The following SIL1 variants were observed in gnomAD, a reference collection of about 807,000 sequenced individuals.
SIL1 encodes the protein SIL1 nucleotide exchange factor, also known as nucleotide exchange factor SIL1.
In SIL1, 40 loss-of-function variants were observed where a neutral mutation model predicts 49.1. The observed-to-expected ratio is 0.81, with a 90% CI of 0.63 to 1.06. The LOEUF is 1.06. SIL1 is among the 50% of genes least tolerant of loss of function. SIL1 has a pLI of 0.00. For missense variants in SIL1, 500 were observed against 572.6 expected (o/e 0.87, Z 1.29); for synonymous variants, 253 against 250.8 (o/e 1.01, Z -0.08).
chr5:139,060,082 G>T (rs1214873407), intron 3 of SIL1, among the ~76,000 whole-genome samples: 3 of 152,118 alleles, frequency 2.0e-5, no homozygotes. Context: ...ATTCATTAAG[G>T]TTATGTTATT....
chr5:139,053,845 A>C (rs1769344119), intron 3 of SIL1, among the ~76,000 whole-genome samples: 1 of 152,250 alleles, frequency 6.6e-6, no homozygotes, highest in African/African-American at 2.4e-5. Flanking sequence ...AAAAGATTTC[A>C]CAGCACCATG....
chr5:139,038,607 T>C (rs1185352602), intron 5 of SIL1, among the ~76,000 whole-genome samples: 3 of 152,152 alleles, frequency 2.0e-5, no homozygotes, highest in Admixed American at 6.5e-5. Flanking sequence ...TTTCTCTAGC[T>C]CTCCTCTCTC....
At chr5:138,956,759 T>TA (rs1229712840) in intron 7 of SIL1, among the ~76,000 whole-genome samples, 6 of 146,562 alleles carry the variant, frequency 4.1e-5, no homozygotes, top group Non-Finnish European at 9.0e-5. Flanking sequence ...AAAAAAAAGA[T>TA]ACAATTACCG....
At chr5:139,195,965 G>A (rs534867630) in intron 1 of SIL1, among the ~76,000 whole-genome samples, 3 of 152,104 alleles carry the variant, frequency 2.0e-5, no homozygotes, top group Non-Finnish European at 4.4e-5. Flanking sequence ...CAGAAGAATC[G>A]CTTGAGGCCA....
chr5:139,125,095 T>C (rs979203075), intron 2 of SIL1, among the ~76,000 whole-genome samples: 1 of 152,180 alleles, frequency 6.6e-6, no homozygotes, highest in African/African-American at 2.4e-5. Flanking sequence ...TAAGAAACCA[T>C]AGTCCCAGTA....
chr5:139,132,919 G>A (rs530524585), intron 1 of SIL1, among the ~76,000 whole-genome samples: 4 of 152,248 alleles, frequency 2.6e-5, no homozygotes, highest in South Asian at 2.1e-4. Context: ...AGCCAGCTGC[G>A]GTCCCTGGCA....
At chr5:139,137,641 T>C (rs993542254) in intron 1 of SIL1, among the ~76,000 whole-genome samples, 43 of 151,904 alleles carry the variant, frequency 2.8e-4, no homozygotes, top group Admixed American at 7.9e-4. Context: ...TAACTCGTCA[T>C]TTAGCATTAG....
intron 3 of SIL1, among the ~76,000 whole-genome samples, chr5:139,071,484 A>C (rs1022117173): frequency 6.6e-5 from 10 of 152,142 alleles, no homozygotes; most frequent in Admixed American, 2.0e-4. Context: ...ATAACTCATT[A>C]AGCTACATAT....
rs1450113377 is a variant in SIL1 at position 139,099,990 on chromosome 5, A to G, written c.244+21045T>C. On this transcript the variant is annotated intron_variant, in intron 3 of 9. Transcript: ENST00000394817. ...TGAGGGGAAGGATACCCCATTCTCC[A>G]TAATGTGATTATTACCCATTGCATG... 2.0e-5 allele frequency among the ~76,000 whole-genome samples: 3 copies of G among 152,208 alleles called. No individual in the cohort carries two copies. The East Asian group carries it at 5.8e-4, about 29-fold the overall frequency.
At chr5:139,137,589 T>C (rs1275157829) in intron 1 of SIL1, 1 of 379,632 alleles carries the variant, frequency 2.6e-6, no homozygotes, top group African/African-American at 2.1e-5. Flanking sequence ...TGCAGGTTTG[T>C]TACATATGTA....
chr5:139,178,378 AACC>A (rs1291362541), intron 1 of SIL1, among the ~76,000 whole-genome samples: 2 of 152,122 alleles, frequency 1.3e-5, no homozygotes, highest in Non-Finnish European at 2.9e-5. Context: ...AAACCACCAA[AACC>A]ACCACCAACT....
At chr5:139,090,424 C>T (rs1770318196) in intron 3 of SIL1, among the ~76,000 whole-genome samples, 2 of 152,050 alleles carry the variant, frequency 1.3e-5, no homozygotes, top group Admixed American at 1.3e-4. Flanking sequence ...AACAGGAGCG[C>T]ACAGAAATAA....
chr5:139,036,909 A>AT (rs1028107201), intron 5 of SIL1, among the ~76,000 whole-genome samples: 33 of 152,116 alleles, frequency 2.2e-4, no homozygotes, highest in African/African-American at 7.5e-4. Flanking sequence ...CATTTTCCCT[A>AT]TTTTTTATTC....
intron 3 of SIL1, among the ~76,000 whole-genome samples, chr5:139,119,897 A>T (rs1392835175): frequency 6.6e-6 from 1 of 152,238 alleles, no homozygotes; most frequent in East Asian, 1.9e-4. Flanking sequence ...AAGTGAAGCC[A>T]GGTTGGCAAG....
intron 7 of SIL1, among the ~76,000 whole-genome samples, chr5:138,978,178 T>C (rs760433249): frequency 6.6e-6 from 1 of 151,850 alleles, no homozygotes; most frequent in Non-Finnish European, 1.5e-5. Flanking sequence ...GGCATTTTCA[T>C]TGCCCCCCCA....
intron 1 of SIL1, among the ~76,000 whole-genome samples, chr5:139,148,693 T>C (rs1751238150): frequency 6.6e-6 from 1 of 152,190 alleles, no homozygotes; most frequent in East Asian, 1.9e-4. Flanking sequence ...GCAACAAGGG[T>C]GTGAGAGAGG....
intron 1 of SIL1, among the ~76,000 whole-genome samples, chr5:139,160,755 G>C (rs1455447885): frequency 6.6e-6 from 1 of 152,040 alleles, no homozygotes. Flanking sequence ...GCTTGAACCT[G>C]GGAGGTGGAG....
At chr5:139,076,256 C>G (rs1214881877) in intron 3 of SIL1, among the ~76,000 whole-genome samples, 1 of 152,206 alleles carries the variant, frequency 6.6e-6, no homozygotes, top group Admixed American at 6.5e-5. Context: ...TCCTATTTCT[C>G]TCTTGTGTTT....
At chr5:139,135,573 T>C (rs1219472260) in intron 1 of SIL1, among the ~76,000 whole-genome samples, 1 of 152,048 alleles carries the variant, frequency 6.6e-6, no homozygotes, top group East Asian at 1.9e-4. Context: ...CAACATGGGA[T>C]GGGATGAAAT....
Sources: gnomAD v4.1 joint callset for allele counts (sites outside exome capture counted in the v4.1 genomes callset) on GRCh38, gnomAD v4.1.1 for gene constraint, MANE v1.5 for transcripts, NCBI Gene and HGNC (gene_info 2026-07-23, HGNC 2026-07-21) for gene names.